The following STOX2 variants were observed in gnomAD, a reference collection of about 807,000 sequenced individuals.
The protein encoded by STOX2 is storkhead box 2.
STOX2 carries 28 observed loss-of-function variants against 60.9 expected under a neutral mutation model. That is an observed-to-expected ratio of 0.46 (90% confidence interval 0.34 to 0.63). STOX2 has a LOEUF of 0.63. STOX2 is among the 30% of genes least tolerant of loss of function. STOX2 has a pLI of 0.01. For synonymous variants in STOX2, 472 were observed against 463.9 expected (o/e 1.02, Z -0.22); for missense variants, 1,024 against 1,187.7 (o/e 0.86, Z 2.03).
Position 184,021,738 on chromosome 4 carries a change from C to G in STOX2, c.*4454C>G. The G allele has an allele frequency of 6.6e-6, 1 of 152,198 alleles. No individual in the cohort carries two copies. 9.4% of individuals were successfully genotyped at this position (152,198 alleles called of 1,614,324 possible). On this transcript the variant is annotated 3_prime_UTR_variant, in exon 4 of 4. Transcript: ENST00000308497. ...TGCTTGGCACCATAGAAAATCAGTA[C>G]AATATATCGAGCCCTACTTTGGAGG...
intron 1 of STOX2, among the ~76,000 whole-genome samples, chr4:183,986,415 G>A (rs1303985413): frequency 6.6e-6 from 1 of 152,242 alleles, no homozygotes; most frequent in East Asian, 1.9e-4. Flanking sequence ...AGGATGCCAC[G>A]TCGTCAGAGG....
chr4:184,012,911 C>G (rs1046360954), intron 3 of STOX2, among the ~76,000 whole-genome samples: 1 of 151,952 alleles, frequency 6.6e-6, no homozygotes, highest in Non-Finnish European at 1.5e-5. Flanking sequence ...CTGTTCTACT[C>G]TTTTTTCCTC....
At chr4:183,975,888 A>G (rs972758531) in intron 1 of STOX2, among the ~76,000 whole-genome samples, 3 of 152,348 alleles carry the variant, frequency 2.0e-5, no homozygotes, top group South Asian at 4.1e-4. Flanking sequence ...CTGCAGACCA[A>G]TGTCTCTTAG....
rs759209967 is a variant in STOX2 at position 183,874,952 on chromosome 4, AATATATATATATATATATATATAT to A, written c.364+76915_364+76938del. Among the ~76,000 whole-genome samples, 249 of 44,618 alleles carry A rather than the reference AATATATATATATATATATATATAT, an allele frequency of 5.6e-3. 1 individual carries two copies. Among genetic ancestry groups the A allele is most frequent in the Middle Eastern group, 0.021 (1 of 48 alleles). 29.3% of individuals were successfully genotyped at this position (44,618 alleles called of 152,430 possible). A position where few individuals can be genotyped will look rare whatever the true frequency, so the allele number is the denominator to read the frequency against. On this transcript the variant is annotated intron_variant, in intron 1 of 2. Coordinates refer to the STOX2 transcript ENST00000513034. ...AAAAAAAAAAAAAAAAAAAAAAAAA[AATATATATATATATATATATATAT>A]ATATATATATATATATAAAACTTAG... is the stretch of plus-strand genomic sequence containing the variant.
At chr4:183,916,708 C>T (rs1370394897) in intron 1 of STOX2, among the ~76,000 whole-genome samples, 2 of 152,154 alleles carry the variant, frequency 1.3e-5, no homozygotes, top group Non-Finnish European at 2.9e-5. Flanking sequence ...AACAGGATCT[C>T]GATCGTTGTC....
In STOX2 at chr4:183,834,103, T is replaced by A. The variant is rs1451781259; in HGVS notation, c.364+36048T>A. ...CCATTGGATCTCTTCAAGCCTCAGC[T>A]TCTCCATCTATAGAATGGCTACAGC... On this transcript the variant is annotated intron_variant, in intron 1 of 2. Coordinates refer to the STOX2 transcript ENST00000513034. 2.0e-5 allele frequency among the ~76,000 whole-genome samples: 3 copies of A among 152,268 alleles called. No individual in the cohort carries two copies. The East Asian group carries it at 5.8e-4, about 29-fold the overall frequency.
rs1413157929 is a variant in STOX2, at chr4:183,856,370, A to C, written c.364+58315A>C. ...CAGGAGAACAGACGCAAATACGCACAAACAGTTGCAAAGTGAACACTCGGA... is the reference window on the plus strand; with the variant it reads ...CAGGAGAACAGACGCAAATACGCACCAACAGTTGCAAAGTGAACACTCGGA... On this transcript the variant is annotated intron_variant, in intron 1 of 2. Coordinates refer to the STOX2 transcript ENST00000513034. The surrounding 1 kb of genome is among the most constrained non-coding windows in gnomAD (Gnocchi z 4.0). 6.6e-6 allele frequency among the ~76,000 whole-genome samples: 1 copy of C among 152,254 alleles called. No individual in the cohort carries two copies. Among genetic ancestry groups the C allele is most frequent in the African/African-American group, 2.4e-5 (1 of 41,476 alleles).
intron 1 of STOX2, among the ~76,000 whole-genome samples, chr4:183,842,931 C>T (rs1228657606): frequency 6.6e-6 from 1 of 151,674 alleles, no homozygotes; most frequent in Non-Finnish European, 1.5e-5. Context: ...GGGTGGATCA[C>T]AAGGTCAGGA....
At chr4:183,834,083 G>C (rs1194295452) in intron 1 of STOX2, among the ~76,000 whole-genome samples, 1 of 148,458 alleles carries the variant, frequency 6.7e-6, no homozygotes, top group Non-Finnish European at 1.5e-5. Flanking sequence ...GCAAGCCATT[G>C]GATCTCTTCA....
intron 1 of STOX2, among the ~76,000 whole-genome samples, chr4:183,911,587 C>T (rs1430564907): frequency 6.6e-6 from 1 of 152,110 alleles, no homozygotes; most frequent in Non-Finnish European, 1.5e-5. Context: ...ATTTCAATAT[C>T]TTTTACATTC....
intron 1 of STOX2, among the ~76,000 whole-genome samples, chr4:183,830,012 C>T (rs1042436086): frequency 4.6e-5 from 7 of 152,260 alleles, no homozygotes; most frequent in Middle Eastern, 6.8e-3. Context: ...GGGGTAGAAT[C>T]GGCGAATCCT....
At chr4:183,947,302 G>A (rs1049283174) in intron 1 of STOX2, among the ~76,000 whole-genome samples, 4 of 151,534 alleles carry the variant, frequency 2.6e-5, no homozygotes, top group Admixed American at 2.0e-4. Context: ...ATTTTTTTCC[G>A]CATAGTTTTG....
intron 1 of STOX2, among the ~76,000 whole-genome samples, chr4:183,848,525 T>G (rs967313146): frequency 3.3e-5 from 5 of 152,114 alleles, no homozygotes; most frequent in African/African-American, 1.2e-4. Flanking sequence ...GATTCTTCTG[T>G]CAGGGCTGGG....
intron 1 of STOX2, among the ~76,000 whole-genome samples, chr4:183,835,248 G>T (rs1318967927): frequency 2.1e-5 from 3 of 144,812 alleles, no homozygotes; most frequent in African/African-American, 7.9e-5. Context: ...TTTTTGAGAC[G>T]GAGTCTGGCT....
chr4:183,929,163 G>A (rs1314803645), intron 1 of STOX2, among the ~76,000 whole-genome samples: 3 of 152,184 alleles, frequency 2.0e-5, no homozygotes, highest in African/African-American at 7.2e-5. Context: ...TCAAAAACAT[G>A]GAGATTTGCT....
At chr4:183,969,070 C>T (rs767819146) in intron 1 of STOX2, among the ~76,000 whole-genome samples, 4 of 152,166 alleles carry the variant, frequency 2.6e-5, no homozygotes, top group Non-Finnish European at 4.4e-5. Flanking sequence ...TTTAAAGAGG[C>T]CAGTTTTGCT....
At chr4:184,002,336 A>T (rs1339082683) in intron 2 of STOX2, among the ~76,000 whole-genome samples, 3 of 152,248 alleles carry the variant, frequency 2.0e-5, no homozygotes, top group Non-Finnish European at 4.4e-5. Flanking sequence ...TAGAGATTAT[A>T]TTAAAAGGGA....
At chr4:184,005,292 T>C (rs1733776748) in intron 2 of STOX2, among the ~76,000 whole-genome samples, 1 of 151,910 alleles carries the variant, frequency 6.6e-6, no homozygotes, top group Non-Finnish European at 1.5e-5. Flanking sequence ...AAACCTTGTC[T>C]CTACTAAAAA....
chr4:183,908,520 T>G (rs4861581), intron 1 of STOX2, among the ~76,000 whole-genome samples: 1 of 151,606 alleles, frequency 6.6e-6, no homozygotes, highest in Non-Finnish European at 1.5e-5. Flanking sequence ...TATAGGAGGG[T>G]TGGTGGCCAT....
Sources: gnomAD v4.1 joint callset for allele counts (sites outside exome capture counted in the v4.1 genomes callset) on GRCh38, gnomAD v4.1.1 for gene constraint, Gnocchi (gnomAD v3.1) non-coding constraint, MANE v1.5 for transcripts, NCBI Gene and HGNC (gene_info 2026-07-23, HGNC 2026-07-21) for gene names.